EVI5: variants seen among roughly 807,000 people sequenced by gnomAD.
EVI5 encodes the protein ecotropic viral integration site 5 protein homolog.
A neutral mutation model predicts 112.0 loss-of-function variants in EVI5; 73 were observed. The ratio of observed to expected loss-of-function variants is 0.65; its 90% CI spans 0.54 to 0.79. The LOEUF is 0.79. Among genes scored for constraint, EVI5 ranks in the 30% least tolerant of loss-of-function variants. The pLI, the probability that EVI5 is intolerant of heterozygous loss-of-function variation, is 0.00. For missense variants in EVI5, 900 were observed against 968.8 expected, an observed-to-expected ratio of 0.93 and a Z score of 0.94; for synonymous variants, 305 against 319.9, an observed-to-expected ratio of 0.95 and a Z score of 0.50.
At chr1:92,589,774 T>G (rs542595231) in intron 18 of EVI5, among the ~76,000 whole-genome samples, 1 of 152,274 alleles carries the variant, frequency 6.6e-6, no homozygotes, top group African/African-American at 2.4e-5. Context: ...GTAGCGGTTC[T>G]CCCAGCACGC....
intron 18 of EVI5, among the ~76,000 whole-genome samples, chr1:92,573,736 T>C (rs1670638460): frequency 6.6e-6 from 1 of 152,222 alleles, no homozygotes; most frequent in Non-Finnish European, 1.5e-5. Context: ...GGTTCAATTT[T>C]GAACTCAAAT....
chr1:92,745,195 C>A (rs147779993), intron 1 of EVI5, among the ~76,000 whole-genome samples: 2 of 151,060 alleles, frequency 1.3e-5, no homozygotes, highest in African/African-American at 4.9e-5. Flanking sequence ...CTGCCTCAGG[C>A]TCCAAAAGTG....
rs141099961 is a variant in EVI5, at chr1:92,581,020, C to A, written c.2071-17283G>T. On this transcript the variant is annotated intron_variant, in intron 18 of 19. Transcript: ENST00000684568. The stretch of plus-strand genomic sequence containing the variant: ...GTATTTCTTTCTGCTAAATAATAAT[C>A]AATAATAATTAATAAATAATATAAA... Among the ~76,000 whole-genome samples, 414 of 152,198 alleles carry A rather than the reference C, an allele frequency of 2.7e-3. 5 individuals are homozygous for A. The highest frequency in any genetic ancestry group is 9.5e-3 in the African/African-American group (393 of 41,528).
chr1:92,732,063 A>T (rs1676571900), intron 2 of EVI5: 3 of 156,832 alleles, frequency 1.9e-5, no homozygotes, highest in Admixed American at 1.3e-4. Flanking sequence ...GCACTGCCAG[A>T]TTTTCTTTCA....
At chr1:92,730,387 A>G (rs1167101353) in intron 2 of EVI5, among the ~76,000 whole-genome samples, 2 of 152,050 alleles carry the variant, frequency 1.3e-5, no homozygotes, top group Admixed American at 6.6e-5. Context: ...AAATGGAGAA[A>G]GAAAGAAATG....
intron 10 of EVI5, among the ~76,000 whole-genome samples, chr1:92,675,363 C>A (rs1666553150): frequency 6.6e-6 from 1 of 152,116 alleles, no homozygotes; most frequent in African/African-American, 2.4e-5. Flanking sequence ...GAAAATACTG[C>A]AGGTATAGGT....
intron 13 of EVI5, among the ~76,000 whole-genome samples, chr1:92,658,921 A>C (rs1663496787): frequency 6.6e-6 from 1 of 152,166 alleles, no homozygotes; most frequent in Non-Finnish European, 1.5e-5. Context: ...ACCAGAAATA[A>C]AGTCACATAC....
intron 18 of EVI5, among the ~76,000 whole-genome samples, chr1:92,592,760 T>C (rs1199891701): frequency 6.6e-6 from 1 of 152,160 alleles, no homozygotes; most frequent in Non-Finnish European, 1.5e-5. Flanking sequence ...CCCACATACA[T>C]ACAAACTACC....
chr1:92,558,625 C>T lies in EVI5; in HGVS notation c.2166+5017G>A, dbSNP rs138118218. ...ATTGTAACAGACTCCTGATGAATTT[C>T]CCTGTTCTCACTCTTTCTCTTCTAC... On this transcript the variant is annotated intron_variant, in intron 19 of 19. Transcript: ENST00000684568. Among the ~76,000 whole-genome samples the T allele has an allele frequency of 2.7e-3, 413 of 152,198 alleles. 3 individuals are homozygous for T. Among genetic ancestry groups the T allele is most frequent in the Non-Finnish European group, 4.6e-3 (316 of 67,998 alleles).
chr1:92,714,086 C>T, intron 2 of EVI5: 2 of 980,954 alleles, frequency 2.0e-6, no homozygotes, highest in Non-Finnish European at 2.4e-6. Context: ...AAAAAACTAT[C>T]CGATTTCAAC....
Position 92,702,441 on chromosome 1 carries a change from C to CATAAAATAAAATAAAATAAA in EVI5, c.565-246_565-227dup, listed in dbSNP as rs57227203. On this transcript the variant is annotated intron_variant, in intron 4 of 19. Transcript: ENST00000684568. ...AATCCAAACTTGCTAGCTCTAAAGA[C>CATAAAATAAAATAAAATAAA]ATAAAATAAAATAAAATAAAATAAA... Among the ~76,000 whole-genome samples the CATAAAATAAAATAAAATAAA allele has an allele frequency of 4.3e-3, 597 of 140,202 alleles. 2 individuals are homozygous for CATAAAATAAAATAAAATAAA. Among genetic ancestry groups the CATAAAATAAAATAAAATAAA allele is most frequent in the African/African-American group, 0.011 (429 of 37,832 alleles). The allele number at this position is 140,202 out of a possible 152,430, so 92.0% of individuals were successfully genotyped here.
intron 13 of EVI5, chr1:92,647,114 CT>C (rs1661116032): frequency 5.8e-6 from 1 of 173,824 alleles, no homozygotes; most frequent in Non-Finnish European, 1.3e-5. Context: ...CTTCTTCCAC[CT>C]TTTTCCAAGG....
chr1:92,792,387 G>A (rs199683067), exon 1 of EVI5: 3 of 1,609,992 alleles, frequency 1.9e-6, no homozygotes. Context: ...CATTTTGTTG[G>A]TAACCATGAT....
At chr1:92,652,281 G>A (rs373719948) in intron 13 of EVI5, among the ~76,000 whole-genome samples, 1 of 152,102 alleles carries the variant, frequency 6.6e-6, no homozygotes, top group Non-Finnish European at 1.5e-5. Flanking sequence ...ACTTAAATAA[G>A]CTACCCAGAA....
chr1:92,610,969 G>T (rs1008451001), intron 16 of EVI5, among the ~76,000 whole-genome samples: 2 of 144,072 alleles, frequency 1.4e-5, no homozygotes, highest in Non-Finnish European at 3.1e-5. Context: ...AGGGGGGAGG[G>T]ATAGCATTGG....
At chr1:92,581,402 T>G (rs1671906642) in intron 18 of EVI5, among the ~76,000 whole-genome samples, 1 of 152,242 alleles carries the variant, frequency 6.6e-6, no homozygotes, top group Non-Finnish European at 1.5e-5. Flanking sequence ...GTGTCACTTT[T>G]CTGATCTCTT....
At chr1:92,781,729 T>A (rs979818704) in intron 1 of EVI5, among the ~76,000 whole-genome samples, 1 of 151,204 alleles carries the variant, frequency 6.6e-6, no homozygotes, top group Non-Finnish European at 1.5e-5. Flanking sequence ...CTGGTGTAGG[T>A]GTATGACTTG....
intron 18 of EVI5, among the ~76,000 whole-genome samples, chr1:92,586,928 A>G (rs938645539): frequency 1.2e-4 from 18 of 152,110 alleles, no homozygotes; most frequent in African/African-American, 4.3e-4. Flanking sequence ...GTGTACATAA[A>G]CTAATTTTTA....
intron 10 of EVI5, among the ~76,000 whole-genome samples, chr1:92,667,151 G>A (rs1208710489): frequency 6.6e-6 from 1 of 152,164 alleles, no homozygotes; most frequent in East Asian, 1.9e-4. Flanking sequence ...TGGGCGTAGT[G>A]GCATGTGCCT....
Sources: gnomAD v4.1 joint callset for allele counts (sites outside exome capture counted in the v4.1 genomes callset) on GRCh38, gnomAD v4.1.1 for gene constraint, MANE v1.5 for transcripts, NCBI Gene and HGNC (gene_info 2026-07-23, HGNC 2026-07-21) for gene names.